The following USH2A variants were observed in gnomAD, a reference collection of about 807,000 sequenced individuals.
The protein encoded by USH2A is Usher syndrome 2A (autosomal recessive, mild).
Under a neutral mutation model 538.9 loss-of-function variants are expected in USH2A, and 443 were observed. The ratio of observed to expected loss-of-function variants is 0.82; its 90% CI spans 0.76 to 0.89. USH2A has a LOEUF of 0.89. USH2A is among the 40% of genes least tolerant of loss of function. The pLI is 0.00. For synonymous variants in USH2A, 2,413 were observed against 2,273.5 expected, an observed-to-expected ratio of 1.06 and a Z score of -1.75; for missense variants, 6,633 against 6,324.8, an observed-to-expected ratio of 1.05 and a Z score of -1.65.
At chr1:216,169,667 C>T (rs1225978216) in intron 21 of USH2A, among the ~76,000 whole-genome samples, 1 of 152,122 alleles carries the variant, frequency 6.6e-6, no homozygotes, top group Non-Finnish European at 1.5e-5. Context: ...TTAACTCAAC[C>T]ATTCTCATCT....
intron 51 of USH2A, among the ~76,000 whole-genome samples, chr1:215,787,758 G>A (rs1661842992): frequency 6.6e-6 from 1 of 152,016 alleles, no homozygotes. Flanking sequence ...AAAATATATA[G>A]TGGGTCTGGG....
intron 35 of USH2A, among the ~76,000 whole-genome samples, chr1:215,973,824 T>C (rs1250740975): frequency 6.6e-6 from 1 of 151,958 alleles, no homozygotes; most frequent in East Asian, 1.9e-4. Flanking sequence ...AAGCTGAGAA[T>C]GAAATTAAGT....
At chr1:215,878,246 G>T (rs138436000) in intron 42 of USH2A, among the ~76,000 whole-genome samples, 52 of 152,194 alleles carry the variant, frequency 3.4e-4, no homozygotes, top group African/African-American at 1.1e-3. Flanking sequence ...CTTTATAAAC[G>T]ATGATAATAT....
At chr1:216,011,382 A>G (rs1668564908) in intron 32 of USH2A, among the ~76,000 whole-genome samples, 2 of 152,144 alleles carry the variant, frequency 1.3e-5, no homozygotes, top group Admixed American at 1.3e-4. Flanking sequence ...GATAGCCCCC[A>G]TTACTTCAAT....
At chr1:215,992,034 C>G (rs1238740926) in intron 35 of USH2A, among the ~76,000 whole-genome samples, 1 of 152,012 alleles carries the variant, frequency 6.6e-6, no homozygotes, top group Non-Finnish European at 1.5e-5. Flanking sequence ...AGAATTCTCT[C>G]CATTACCTCA....
At chr1:215,756,045 A>G (rs1571653897) in intron 58 of USH2A, among the ~76,000 whole-genome samples, 1 of 152,238 alleles carries the variant, frequency 6.6e-6, no homozygotes, top group East Asian at 1.9e-4. Flanking sequence ...ATGAGCAATT[A>G]AAGATAAAAA....
In USH2A at chr1:216,354,396, T is replaced by C. The variant is rs2038342214; in HGVS notation, c.784+10557A>G. On this transcript the variant is annotated intron_variant, in intron 4 of 71. Transcript: ENST00000307340. Reference sequence around the variant, plus strand: ...CTTTGTAAAGAGAGGAAAGAGTCAATAGAAGGAGATGCAGACATGGCCCAG... The same window carrying C: ...CTTTGTAAAGAGAGGAAAGAGTCAACAGAAGGAGATGCAGACATGGCCCAG... Among the ~76,000 whole-genome samples the C allele has an allele frequency of 2.6e-5, 4 of 152,026 alleles. No homozygotes were observed. In the South Asian group the frequency reaches 8.3e-4, roughly 32 times the overall value.
At position 215,701,291 on chromosome 1, in the gene USH2A, G is replaced by A. The variant is rs1281296117; in HGVS notation, c.12067-20915C>T. Reference sequence around the variant, plus strand: ...AGAAAGTATATTCTGTTGATTTGGGGTGGAGAATTCTGTAGATGTCTATTA... The same window carrying A: ...AGAAAGTATATTCTGTTGATTTGGGATGGAGAATTCTGTAGATGTCTATTA... On this transcript the variant is annotated intron_variant, in intron 61 of 71. Coordinates refer to ENST00000307340, the MANE Select transcript of USH2A (RefSeq NM_206933.4). 6.6e-5 allele frequency among the ~76,000 whole-genome samples: 10 copies of A among 152,294 alleles called. No homozygotes were observed. In the East Asian group the frequency reaches 1.9e-3, roughly 29 times the overall value.
intron 3 of USH2A, among the ~76,000 whole-genome samples, chr1:216,380,851 A>G (rs1396095426): frequency 2.0e-5 from 3 of 152,186 alleles, no homozygotes; most frequent in Non-Finnish European, 2.9e-5. Context: ...TTTTCTCAAT[A>G]TCATCTTTTA....
At chr1:215,844,556 G>C in intron 45 of USH2A, 60 bp from the exon 46 acceptor site, 1 of 1,551,478 alleles carries the variant, frequency 6.4e-7, no homozygotes, top group Non-Finnish European at 8.8e-7. Context: ...CACATGTTAA[G>C]CTAAATGCAG....
intron 32 of USH2A, among the ~76,000 whole-genome samples, chr1:216,005,358 T>TA (rs1668367866): frequency 6.6e-6 from 1 of 152,170 alleles, no homozygotes; most frequent in Admixed American, 6.6e-5. Context: ...TCATAATTAC[T>TA]AAAACAAGTT....
intron 47 of USH2A, among the ~76,000 whole-genome samples, chr1:215,820,178 A>T (rs1662972730): frequency 6.6e-6 from 1 of 151,660 alleles, no homozygotes; most frequent in Non-Finnish European, 1.5e-5. Context: ...TAGATTTTAA[A>T]GTAATAGGAA....
chr1:216,405,264 A>G (rs958161685), intron 3 of USH2A, among the ~76,000 whole-genome samples: 2 of 152,222 alleles, frequency 1.3e-5, no homozygotes, highest in African/African-American at 4.8e-5. Flanking sequence ...GGAAAACACA[A>G]TACATAAGAG....
At chr1:216,137,180 G>T (rs945450690) in intron 21 of USH2A, among the ~76,000 whole-genome samples, 1 of 152,162 alleles carries the variant, frequency 6.6e-6, no homozygotes, top group Non-Finnish European at 1.5e-5. Flanking sequence ...CCCTTTGGTG[G>T]CATGCAAAGT....
chr1:216,418,661 T>C lies in USH2A; in HGVS notation c.504A>G (p.Thr168=), dbSNP rs4253963. The change falls in exon 3 of 72, where the codon ACA becomes ACG. Residue 168 remains threonine (T), a synonymous_variant. Coordinates refer to ENST00000307340, the MANE Select transcript of USH2A (RefSeq NM_206933.4). ...QQGVMCVIEK[T]VDGQIVFKLT... is the part of the protein sequence containing the mutation. ...GTTTGAACACAATCTGCCCATCTAC[T>C]GTCTTTTCTATAACACACCTTAGGA... 1,044,992 of 1,612,398 alleles carry C rather than the reference T, an allele frequency of 0.65. 341,363 individuals carry two copies. Among genetic ancestry groups the C allele is most frequent in the East Asian group, 0.85 (37,967 of 44,732 alleles).
chr1:216,220,557 G>A (rs568352899), intron 14 of USH2A, among the ~76,000 whole-genome samples: 1 of 150,950 alleles, frequency 6.6e-6, no homozygotes, highest in Non-Finnish European at 1.5e-5. Flanking sequence ...GTTAAAAGAT[G>A]AGTAGAAATA....
chr1:215,665,925 G>A (rs938733402), intron 64 of USH2A, among the ~76,000 whole-genome samples: 3 of 152,244 alleles, frequency 2.0e-5, no homozygotes, highest in African/African-American at 2.4e-5. Context: ...GGTTGTTTGA[G>A]AATTAGATTT....
chr1:216,232,980 A>C (rs1254138582), intron 13 of USH2A, among the ~76,000 whole-genome samples: 1 of 152,228 alleles, frequency 6.6e-6, no homozygotes, highest in East Asian at 1.9e-4. Flanking sequence ...GTTTACACCC[A>C]GACCACCCAG....
rs988333669 is a variant in USH2A, at chr1:216,036,965, C to G, written c.6325+9466G>C. Among the ~76,000 whole-genome samples, 5 of 152,058 alleles carry G rather than the reference C, an allele frequency of 3.3e-5. 1 individual carries two copies. Among genetic ancestry groups the G allele is most frequent in the African/African-American group, 1.2e-4 (5 of 41,434 alleles). Reference sequence around the variant, plus strand: ...ATGGAATTAAAAAATAAAAATATAACCTTTGTTTCTCAACATAAGCTCAAT... The same window carrying G: ...ATGGAATTAAAAAATAAAAATATAAGCTTTGTTTCTCAACATAAGCTCAAT... On this transcript the variant is annotated intron_variant, in intron 32 of 71. Transcript: ENST00000307340.
Sources: gnomAD v4.1 joint callset for allele counts (sites outside exome capture counted in the v4.1 genomes callset) on GRCh38, gnomAD v4.1.1 for gene constraint, MANE v1.5 for transcripts, NCBI Gene and HGNC (gene_info 2026-07-23, HGNC 2026-07-21) for gene names.